DAB2IP: variants seen among roughly 807,000 people sequenced by gnomAD.
DAB2IP encodes the protein DAB2 interacting protein.
DAB2IP carries 28 observed loss-of-function variants against 107.2 expected under a neutral mutation model. The observed-to-expected ratio is 0.26, with a 90% CI of 0.19 to 0.36. The LOEUF (loss-of-function observed/expected upper bound fraction) is 0.36. Ranked by LOEUF, DAB2IP falls within the 10% of genes least tolerant of loss-of-function variation. The pLI, the probability that DAB2IP is intolerant of heterozygous loss-of-function variation, is 1.00. For missense variants in DAB2IP, 1,400 were observed against 1,644.7 expected (o/e 0.85, Z 2.57); for synonymous variants, 755 against 706.4 (o/e 1.07, Z -1.09).
At chr9:121,709,258 C>T (rs1830211876) in intron 3 of DAB2IP, among the ~76,000 whole-genome samples, 1 of 152,198 alleles carries the variant, frequency 6.6e-6, no homozygotes, top group Non-Finnish European at 1.5e-5. Context: ...GGTCATGAAG[C>T]CCCTGGAGCT....
At chr9:121,681,024 T>A (rs1295326021) in intron 2 of DAB2IP, among the ~76,000 whole-genome samples, 2 of 152,142 alleles carry the variant, frequency 1.3e-5, no homozygotes, top group East Asian at 3.9e-4. Context: ...ATTACAGGCA[T>A]GAGCCACCAC....
chr9:121,675,370 G>A (rs1392023503), intron 1 of DAB2IP, among the ~76,000 whole-genome samples: 1 of 152,286 alleles, frequency 6.6e-6, no homozygotes, highest in African/African-American at 2.4e-5. Flanking sequence ...GCCAGAGAGT[G>A]TGTGAGGTAG....
At chr9:121,648,888 A>C (rs1286459815), upstream of DAB2IP, among the ~76,000 whole-genome samples, 1 of 152,102 alleles carries the variant, frequency 6.6e-6, no homozygotes, top group East Asian at 1.9e-4. Flanking sequence ...GGTGGTGGGC[A>C]CTGGAAGCAG....
At chr9:121,765,401 G>A (rs1198420670) in intron 8 of DAB2IP, among the ~76,000 whole-genome samples, 2 of 152,256 alleles carry the variant, frequency 1.3e-5, no homozygotes, top group African/African-American at 4.8e-5. Flanking sequence ...GCTAAAGGTG[G>A]CTCACCTTCA....
intron 9 of DAB2IP, among the ~76,000 whole-genome samples, 177 bp from the exon 10 acceptor site, chr9:121,768,255 C>A (rs570575016): frequency 6.6e-6 from 1 of 152,232 alleles, no homozygotes; most frequent in African/African-American, 2.4e-5. Context: ...GCTGGACTTA[C>A]CATGAGCAAG....
At chr9:121,611,792 C>G (rs1230354867) in intron 1 of DAB2IP, among the ~76,000 whole-genome samples, 1 of 152,034 alleles carries the variant, frequency 6.6e-6, no homozygotes, top group African/African-American at 2.4e-5. Flanking sequence ...ACCATGTTTG[C>G]CAGGGTGGTC....
chr9:121,747,755 A>G (rs1421043409), intron 3 of DAB2IP, among the ~76,000 whole-genome samples: 1 of 151,820 alleles, frequency 6.6e-6, no homozygotes, highest in African/African-American at 2.4e-5. Flanking sequence ...TCTGACAGCT[A>G]TTGATTAAAA....
chr9:121,775,971 CTGGGAGTTTGGAG>C (rs1835170640), intron 13 of DAB2IP, among the ~76,000 whole-genome samples: 1 of 152,234 alleles, frequency 6.6e-6, no homozygotes, highest in Non-Finnish European at 1.5e-5. Context: ...ACAGGTCAGG[CTGGGAGTTTGGAG>C]TGGAGGCCCC....
At chr9:121,718,706 C>T (rs1830752182) in intron 3 of DAB2IP, among the ~76,000 whole-genome samples, 1 of 152,242 alleles carries the variant, frequency 6.6e-6, no homozygotes, top group South Asian at 2.1e-4. Context: ...CAGCTAAATG[C>T]TTAGCAGCAC....
intron 1 of DAB2IP, among the ~76,000 whole-genome samples, chr9:121,606,874 A>G (rs989858017): frequency 6.6e-6 from 1 of 151,542 alleles, no homozygotes; most frequent in African/African-American, 2.4e-5. Context: ...TCCTGGGTTC[A>G]TGCAGTTCTC....
At chr9:121,643,749 C>A (rs540757058) in intron 1 of DAB2IP, among the ~76,000 whole-genome samples, 1 of 150,326 alleles carries the variant, frequency 6.7e-6, no homozygotes, top group Admixed American at 6.7e-5. Context: ...GTCAGATAGG[C>A]TCAGCCACTT....
In DAB2IP at chr9:121,651,972, A is replaced by G. The variant is rs974288059; in HGVS notation, c.124+73A>G. The G allele has an allele frequency of 1.3e-5, 16 of 1,191,064 alleles. No individual in the cohort carries two copies. The African/African-American group carries it at 1.9e-4, about 14-fold the overall frequency. 73.8% of individuals were successfully genotyped at this position (1,191,064 alleles called of 1,614,324 possible). ...AAGCCACCTGATGCCCTGGGATGCT[A>G]GGGACCGGGATCCTCCTTCCAGCCA... On this transcript the variant is annotated intron_variant, in intron 1 of 15. Coordinates refer to ENST00000408936, the Ensembl canonical transcript of DAB2IP. The surrounding 1 kb of genome is among the most constrained non-coding windows in gnomAD (Gnocchi z 5.1).
At chr9:121,656,772 T>C (rs1463736056) in intron 1 of DAB2IP, among the ~76,000 whole-genome samples, 2 of 152,248 alleles carry the variant, frequency 1.3e-5, no homozygotes, top group Non-Finnish European at 2.9e-5. Context: ...TGGATACTGA[T>C]ACTATCCTCA....
chr9:121,712,376 GC>G (rs1187316813), intron 3 of DAB2IP, among the ~76,000 whole-genome samples: 2 of 152,228 alleles, frequency 1.3e-5, no homozygotes, highest in Admixed American at 6.5e-5. Context: ...TTTTCTGGCA[GC>G]CCAAAGGGAG....
At chr9:121,766,631 C>A (rs1307243305) in exon 9 of DAB2IP, 1 of 1,614,196 alleles carries the variant, frequency 6.2e-7, no homozygotes. Context: ...ATCATGTCGC[C>A]CTCACTCTTC....
intron 1 of DAB2IP, among the ~76,000 whole-genome samples, chr9:121,656,030 C>T (rs986309779): frequency 2.1e-5 from 3 of 144,896 alleles, no homozygotes; most frequent in Non-Finnish European, 3.0e-5. Context: ...TTTTTTGAGA[C>T]GGAGTTTTGC....
At chr9:121,602,374 C>G (rs1331416834) in intron 1 of DAB2IP, among the ~76,000 whole-genome samples, 1 of 152,082 alleles carries the variant, frequency 6.6e-6, no homozygotes, top group Admixed American at 6.5e-5. Context: ...ATTGGTGTGC[C>G]TTAGACGAGG....
chr9:121,569,715 G>A (rs887097644), intron 1 of DAB2IP, among the ~76,000 whole-genome samples: 2 of 152,174 alleles, frequency 1.3e-5, no homozygotes, highest in Non-Finnish European at 2.9e-5. Context: ...CAGCTACTTG[G>A]GAGGCTGAGG....
At position 121,782,800 on chromosome 9, in the gene DAB2IP, A is replaced by C; in HGVS notation, c.*302A>C. 2 of 1,230,300 alleles carry C rather than the reference A, an allele frequency of 1.6e-6. No homozygotes were observed. Among genetic ancestry groups the C allele is most frequent in the Non-Finnish European group, 1.0e-6 (1 of 977,192 alleles). The allele number at this position is 1,230,300 out of a possible 1,614,324, so 76.2% of individuals were successfully genotyped here. ...CAAAAATATGTCTGTTGGTTCCTGA[A>C]TGTGGTGTGTCCTTGTCCTCCTGGA... On this transcript the variant is annotated 3_prime_UTR_variant, in exon 16 of 16. Transcript: ENST00000408936. The surrounding 1 kb of genome is among the most constrained non-coding windows in gnomAD (Gnocchi z 6.1).
Sources: gnomAD v4.1 joint callset for allele counts (sites outside exome capture counted in the v4.1 genomes callset) on GRCh38, gnomAD v4.1.1 for gene constraint, Gnocchi (gnomAD v3.1) non-coding constraint, MANE v1.5 for transcripts, NCBI Gene and HGNC (gene_info 2026-07-23, HGNC 2026-07-21) for gene names.